ZC3H7B: variants seen among roughly 807,000 people sequenced by gnomAD.
The protein encoded by ZC3H7B is zinc finger CCCH-type containing 7B.
A neutral mutation model predicts 116.0 loss-of-function variants in ZC3H7B; 35 were observed. That is an observed-to-expected ratio of 0.30 (90% CI 0.23 to 0.40). ZC3H7B has a LOEUF of 0.40. Among genes scored for constraint, ZC3H7B ranks in the 10% least tolerant of loss-of-function variants. The probability of loss-of-function intolerance (pLI) is 1.00; values close to 1 mark genes in which losing one functional copy is unlikely to be tolerated. For synonymous variants in ZC3H7B, 502 were observed against 545.6 expected (o/e 0.92, Z 1.11); for missense variants, 1,011 against 1,321.5 (o/e 0.77, Z 3.64).
chr22:41,355,969 C>A lies in ZC3H7B; in HGVS notation c.2290C>A (p.Gln764Lys). 1 of 1,573,974 alleles carries A rather than the reference C, an allele frequency of 6.4e-7. No individual in the cohort carries two copies. The highest frequency in any genetic ancestry group is 1.9e-5 in the Admixed American group (1 of 53,808). ...PQQYDLCIHA[Q>K]NGRKCQYVGN... ...CACCCCACAGCTCTGCATCCATGCA[C>A]AGAACGGCCGCAAGTGCCAATATGT... Residue 764 changes from glutamine (Q) to lysine (K), a missense_variant, in exon 20 of 23, where the codon CAG becomes AAG. By Grantham distance (53) the Gln-to-Lys change is moderately conservative. Around this residue, in one of 5 missense-constraint regions of ZC3H7B, gnomAD observed 406 missense variants for 590.2 expected, o/e 0.69. Transcript: ENST00000352645.
chr22:41,339,284 T>A, intron 9 of ZC3H7B, 93 bp downstream of exon 9: 1 of 1,440,102 alleles, frequency 6.9e-7, no homozygotes, highest in Non-Finnish European at 9.3e-7. Flanking sequence ...CCAATGCTCA[T>A]GTCATGTGTC....
In ZC3H7B at chr22:41,327,823, A is replaced by C. The variant is rs1169471054; in HGVS notation, c.444+459A>C. On this transcript the variant is annotated intron_variant, in intron 5 of 22. Coordinates refer to ENST00000352645, the MANE Select transcript of ZC3H7B (RefSeq NM_017590.6). This position sits in a 1 kb window ranked among gnomAD's most constrained non-coding sequence, Gnocchi z 4.5. ...CTGTTTTGCTAATTCTGTTTAGTTC[A>C]CAATTAAGACCCTTTCTTGGCCAGA... 6.6e-6 allele frequency among the ~76,000 whole-genome samples: 1 copy of C among 151,250 alleles called. No individual in the cohort carries two copies. The highest frequency in any genetic ancestry group is 1.5e-5 in the Non-Finnish European group (1 of 67,836).
intron 1 of ZC3H7B, among the ~76,000 whole-genome samples, chr22:41,312,201 T>C (rs2036128149): frequency 6.7e-6 from 1 of 149,440 alleles, no homozygotes; most frequent in South Asian, 2.1e-4. Flanking sequence ...GCGTGGTGGC[T>C]CATGCCCGTA....
intron 17 of ZC3H7B, among the ~76,000 whole-genome samples, chr22:41,354,601 G>A (rs966419067): frequency 1.3e-5 from 2 of 152,150 alleles, no homozygotes; most frequent in Non-Finnish European, 2.9e-5. Context: ...CTGGGAAGAC[G>A]GGGAGGCTTG....
intron 13 of ZC3H7B, among the ~76,000 whole-genome samples, chr22:41,345,554 C>G (rs570436496): frequency 3.3e-5 from 5 of 152,036 alleles, no homozygotes; most frequent in Non-Finnish European, 7.4e-5. Context: ...CATTGCACTC[C>G]AGCATGGGCA....
chr22:41,346,670 G>T lies in ZC3H7B; in HGVS notation c.1665+462G>T, dbSNP rs2036589425. On this transcript the variant is annotated intron_variant, in intron 14 of 22. Transcript: ENST00000352645. This position sits in a 1 kb window ranked among gnomAD's most constrained non-coding sequence, Gnocchi z 5.3. ...GTCTCTACTAAAAATACAAAAATTAGCTGGGCGTTGTGGTGCACGCCTGTA... is the reference window on the plus strand; with the variant it reads ...GTCTCTACTAAAAATACAAAAATTATCTGGGCGTTGTGGTGCACGCCTGTA... 1.3e-5 allele frequency among the ~76,000 whole-genome samples: 2 copies of T among 152,124 alleles called. No individual in the cohort carries two copies. The highest frequency in any genetic ancestry group is 4.8e-5 in the African/African-American group (2 of 41,418).
intron 6 of ZC3H7B, among the ~76,000 whole-genome samples, chr22:41,331,517 T>C (rs1339632907): frequency 2.2e-5 from 3 of 138,908 alleles, no homozygotes; most frequent in Non-Finnish European, 1.5e-5. Flanking sequence ...ATCGTGCCAC[T>C]GCACTCCAGC....
intron 17 of ZC3H7B, among the ~76,000 whole-genome samples, chr22:41,355,199 A>G (rs1357349243): frequency 1.3e-5 from 2 of 152,186 alleles, no homozygotes; most frequent in East Asian, 3.8e-4. Flanking sequence ...GAGCTTTGCC[A>G]TGGGAAATGC....
At chr22:41,343,970 G>A (rs1270059323) in intron 13 of ZC3H7B, among the ~76,000 whole-genome samples, 1 of 152,200 alleles carries the variant, frequency 6.6e-6, no homozygotes, top group Non-Finnish European at 1.5e-5. Context: ...CGCATGGTGA[G>A]GGCTCCATCC....
At position 41,359,017 on chromosome 22, in the gene ZC3H7B, C is replaced by T. The variant is rs1413918597; in HGVS notation, c.*1588C>T. The T allele has an allele frequency of 1.3e-5, 2 of 153,930 alleles. No homozygotes were observed. The highest frequency in any genetic ancestry group is 2.9e-5 in the Non-Finnish European group (2 of 68,258). The allele number at this position is 153,930 out of a possible 1,614,324, so 9.5% of individuals were successfully genotyped here. A position where few individuals can be genotyped will look rare whatever the true frequency, so the allele number is the denominator to read the frequency against. On this transcript the variant is annotated 3_prime_UTR_variant, in exon 23 of 23. Coordinates refer to ENST00000352645, the MANE Select transcript of ZC3H7B (RefSeq NM_017590.6). Reference sequence around the variant, plus strand: ...AGGGCTGGAGGGGACGCTGTTCCTCCCGCCGCCACTGCCCAACCTTTCCTG... The same window carrying T: ...AGGGCTGGAGGGGACGCTGTTCCTCTCGCCGCCACTGCCCAACCTTTCCTG...
intron 2 of ZC3H7B, among the ~76,000 whole-genome samples, chr22:41,323,971 G>A (rs999810883): frequency 4.6e-5 from 7 of 152,182 alleles, no homozygotes; most frequent in Non-Finnish European, 7.3e-5. Flanking sequence ...TCTGGAGGCT[G>A]AGGCAGGAGA....
chr22:41,328,599 G>A (rs1349450986), intron 5 of ZC3H7B, among the ~76,000 whole-genome samples: 2 of 152,142 alleles, frequency 1.3e-5, no homozygotes, highest in African/African-American at 4.8e-5. Context: ...GAATCTCCAT[G>A]AGGCCTGGGC....
chr22:41,322,189 T>A (rs1391760572), intron 2 of ZC3H7B, among the ~76,000 whole-genome samples: 1 of 150,006 alleles, frequency 6.7e-6, no homozygotes, highest in Non-Finnish European at 1.5e-5. Flanking sequence ...CATGCCACAC[T>A]TTTTTTTTGT....
chr22:41,314,146 A>C (rs775257104), intron 1 of ZC3H7B, among the ~76,000 whole-genome samples: 5 of 149,740 alleles, frequency 3.3e-5, no homozygotes, highest in Non-Finnish European at 5.9e-5. Flanking sequence ...TTTAATTTTT[A>C]TTTTATTTAT....
At chr22:41,317,396 A>G (rs2036198428) in intron 1 of ZC3H7B, among the ~76,000 whole-genome samples, 2 of 152,154 alleles carry the variant, frequency 1.3e-5, no homozygotes, top group African/African-American at 4.8e-5. Context: ...TTTAACCTTA[A>G]TTAGCTCCTT....
At chr22:41,319,670 C>G (rs1343681515) in intron 1 of ZC3H7B, among the ~76,000 whole-genome samples, 1 of 151,446 alleles carries the variant, frequency 6.6e-6, no homozygotes, top group Non-Finnish European at 1.5e-5. Context: ...TTGCGTGTAT[C>G]CTTCCTATAT....
chr22:41,342,141 G>A (rs995263293), intron 11 of ZC3H7B, among the ~76,000 whole-genome samples: 1 of 151,994 alleles, frequency 6.6e-6, no homozygotes, highest in African/African-American at 2.4e-5. Context: ...TAACCTCTCT[G>A]AGTCTTGCCT....
chr22:41,357,592 G>C lies in ZC3H7B; in HGVS notation c.*163G>C. On this transcript the variant is annotated 3_prime_UTR_variant, in exon 23 of 23. Coordinates refer to ENST00000352645, the MANE Select transcript of ZC3H7B (RefSeq NM_017590.6). This position sits in a 1 kb window ranked among gnomAD's most constrained non-coding sequence, Gnocchi z 5.4. ...TCCATCTTCTCCCCACCACCGCCCC[G>C]GTGTGCGTACCCAGGCGCACGTGCT... 2 of 1,024,822 alleles carry C rather than the reference G, an allele frequency of 2.0e-6. No individual in the cohort carries two copies. The highest frequency in any genetic ancestry group is 2.7e-6 in the Non-Finnish European group (2 of 727,662). 63.5% of individuals were successfully genotyped at this position (1,024,822 alleles called of 1,614,324 possible).
chr22:41,302,082 C>T lies in ZC3H7B; in HGVS notation c.-7+310C>T, dbSNP rs2035973679. On this transcript the variant is annotated intron_variant, in intron 1 of 22. Coordinates refer to ENST00000352645, the MANE Select transcript of ZC3H7B (RefSeq NM_017590.6). The surrounding 1 kb of genome is among the most constrained non-coding windows in gnomAD (Gnocchi z 5.7). ...TGGGGAGACTTGGCCGCCCCTGCAGCCCCCAGGAGGTGTCTTGAAATTTTC... is the reference window on the plus strand; with the variant it reads ...TGGGGAGACTTGGCCGCCCCTGCAGTCCCCAGGAGGTGTCTTGAAATTTTC... Among the ~76,000 whole-genome samples, 1 of 152,066 alleles carries T rather than the reference C, an allele frequency of 6.6e-6. No individual in the cohort carries two copies. Among genetic ancestry groups the T allele is most frequent in the Non-Finnish European group, 1.5e-5 (1 of 67,982 alleles).
Sources: allele counts gnomAD v4.1 joint callset (sites outside exome capture counted in the v4.1 genomes callset), GRCh38; gene constraint gnomAD v4.1.1; regional missense constraint gnomAD v4.1.1; non-coding constraint Gnocchi (gnomAD v3.1); transcripts MANE v1.5; gene names NCBI Gene and HGNC (gene_info 2026-07-23, HGNC 2026-07-21).